Variants in RABGAP1L observed in about 807,000 individuals in gnomAD.
The protein encoded by RABGAP1L is rab GTPase-activating protein 1-like.
A neutral mutation model predicts 137.7 loss-of-function variants in RABGAP1L; 63 were observed. That is an observed-to-expected ratio of 0.46 (90% confidence interval 0.37 to 0.56). RABGAP1L has a LOEUF of 0.56. RABGAP1L is among the 20% of genes least tolerant of loss of function. The pLI, the probability that RABGAP1L is intolerant of heterozygous loss-of-function variation, is 0.00. For missense variants in RABGAP1L, 1,095 were observed against 1,244.0 expected (o/e 0.88, Z 1.80); for synonymous variants, 431 against 433.7 (o/e 0.99, Z 0.08).
At chr1:174,214,266 C>T (rs921104775) in intron 1 of RABGAP1L, among the ~76,000 whole-genome samples, 6 of 151,842 alleles carry the variant, frequency 4.0e-5, no homozygotes, top group Non-Finnish European at 8.8e-5. Context: ...GATAAAATAC[C>T]TAGGAATAAA....
At position 174,993,643 on chromosome 1, in the gene RABGAP1L, C is replaced by T. The variant is rs1338493919; in HGVS notation, c.*3642C>T. On this transcript the variant is annotated 3_prime_UTR_variant, in exon 26 of 26. Transcript: ENST00000681986. ...TAAGTCTTCATACTTTCACTAAAAT[C>T]TGTCTACTAACTCTCCCACCAACCT... The T allele has an allele frequency of 6.6e-6, 1 of 152,224 alleles. No individual in the cohort carries two copies. The highest frequency in any genetic ancestry group is 1.5e-5 in the Non-Finnish European group (1 of 68,040). The allele number at this position is 152,224 out of a possible 1,614,324, so 9.4% of individuals were successfully genotyped here. A position where few individuals can be genotyped will look rare whatever the true frequency, so the allele number is the denominator to read the frequency against.
chr1:174,650,755 A>G lies in RABGAP1L; in HGVS notation c.1824+13267A>G, dbSNP rs1675410026. Reference sequence around the variant, plus strand: ...TCTTTATTAGTCTTGCTAGCGGTCTATCAATTTTGTTGATCCTTTCAAAAA... The same window carrying G: ...TCTTTATTAGTCTTGCTAGCGGTCTGTCAATTTTGTTGATCCTTTCAAAAA... On this transcript the variant is annotated intron_variant, in intron 14 of 25. Coordinates refer to ENST00000681986, the MANE Select transcript of RABGAP1L (RefSeq NM_001366446.1). Among the ~76,000 whole-genome samples, 6 of 149,526 alleles carry G rather than the reference A, an allele frequency of 4.0e-5. No homozygotes were observed. The South Asian group carries it at 6.4e-4, about 16-fold the overall frequency.
In RABGAP1L at chr1:174,361,018, A is replaced by G. The variant is rs566536599; in HGVS notation, c.1466-9961A>G. ...AAAAAATACAAAAAATTAGCTGGGC[A>G]TGGTGGTGAGTGCTTGTAGTCCCAG... On this transcript the variant is annotated intron_variant, in intron 11 of 25. Transcript: ENST00000681986. Among the ~76,000 whole-genome samples the G allele has an allele frequency of 7.2e-5, 11 of 152,210 alleles. 1 individual carries two copies. In the South Asian group the frequency reaches 2.3e-3, roughly 32 times the overall value.
At position 174,978,984 on chromosome 1, in the gene RABGAP1L, G is replaced by T. The variant is rs535110450; in HGVS notation, c.2733+94G>T. On this transcript the variant is annotated intron_variant, in intron 23 of 25. Transcript: ENST00000681986. ...GCTTGAGGCCAGGAGTTTGAGACTA[G>T]CCTGAGCAACATAGCAGGACCCCAT... 5 of 1,364,324 alleles carry T rather than the reference G, an allele frequency of 3.7e-6. No individual in the cohort carries two copies. The South Asian group carries it at 9.4e-5, about 26-fold the overall frequency. The allele number at this position is 1,364,324 out of a possible 1,614,324, so 84.5% of individuals were successfully genotyped here. A position where few individuals can be genotyped will look rare whatever the true frequency, so the allele number is the denominator to read the frequency against.
chr1:174,916,185 C>A (rs1660854797), intron 19 of RABGAP1L, among the ~76,000 whole-genome samples: 1 of 139,362 alleles, frequency 7.2e-6, no homozygotes, highest in Non-Finnish European at 1.5e-5. Context: ...ATTATTCTTT[C>A]CCCTATTGAA....
chr1:174,662,091 G>A (rs1676410656), intron 14 of RABGAP1L, among the ~76,000 whole-genome samples: 1 of 138,852 alleles, frequency 7.2e-6, no homozygotes, highest in Non-Finnish European at 1.5e-5. Context: ...CCAGAAGAAG[G>A]CTTTTCTTTT....
chr1:174,228,626 G>T (rs534543808), intron 3 of RABGAP1L, among the ~76,000 whole-genome samples: 40 of 152,282 alleles, frequency 2.6e-4, no homozygotes, highest in African/African-American at 9.1e-4. Context: ...TTCAGTGGTT[G>T]AAGAACATGG....
intron 20 of RABGAP1L, chr1:174,958,128 G>A (rs1558282453): frequency 3.3e-5 from 50 of 1,496,284 alleles, no homozygotes; most frequent in Non-Finnish European, 4.5e-5. Flanking sequence ...TGTAGAAAAT[G>A]TTAAAAATAC....
chr1:174,249,171 A>G (rs955018346), intron 5 of RABGAP1L, among the ~76,000 whole-genome samples: 9 of 152,186 alleles, frequency 5.9e-5, no homozygotes, highest in African/African-American at 2.2e-4. Context: ...AAAAGTAGTC[A>G]CTAGAGTGGC....
intron 19 of RABGAP1L, chr1:174,892,640 G>T (rs1021242926): frequency 3.7e-6 from 2 of 534,430 alleles, no homozygotes; most frequent in East Asian, 1.1e-4. Context: ...ATTTGATGAG[G>T]CTGCTAAAGC....
intron 18 of RABGAP1L, among the ~76,000 whole-genome samples, chr1:174,809,261 G>C (rs1224076953): frequency 6.6e-6 from 1 of 152,156 alleles, no homozygotes; most frequent in East Asian, 1.9e-4. Flanking sequence ...CAATGTCTAG[G>C]AAAGGACAGC....
intron 13 of RABGAP1L, among the ~76,000 whole-genome samples, chr1:174,607,324 C>T (rs1670862763): frequency 1.3e-5 from 2 of 152,118 alleles, no homozygotes; most frequent in Non-Finnish European, 2.9e-5. Context: ...CTTTTTCCCC[C>T]ATCACTTTGC....
chr1:174,669,544 A>G (rs2148442899), intron 14 of RABGAP1L, among the ~76,000 whole-genome samples: 1 of 152,296 alleles, frequency 6.6e-6, no homozygotes, highest in South Asian at 2.1e-4. Flanking sequence ...AGTCATATCC[A>G]AAAAATCATT....
intron 15 of RABGAP1L, among the ~76,000 whole-genome samples, chr1:174,689,486 T>C (rs1678721214): frequency 6.6e-6 from 1 of 152,160 alleles, no homozygotes; most frequent in East Asian, 1.9e-4. Context: ...GTTCATATTT[T>C]GTCATCAAGA....
chr1:174,776,369 C>A (rs1573136573), intron 18 of RABGAP1L, among the ~76,000 whole-genome samples: 1 of 151,880 alleles, frequency 6.6e-6, no homozygotes, highest in South Asian at 2.1e-4. Context: ...AATGAGACTT[C>A]ATCTCAAAAA....
intron 15 of RABGAP1L, among the ~76,000 whole-genome samples, chr1:174,683,844 T>C (rs1678265808): frequency 6.6e-6 from 1 of 152,184 alleles, no homozygotes; most frequent in African/African-American, 2.4e-5. Context: ...TTAACTAGAA[T>C]CCTCTGGAAT....
At chr1:174,958,120 T>A (rs1434865937) in intron 20 of RABGAP1L, 1 of 1,501,206 alleles carries the variant, frequency 6.7e-7, no homozygotes, top group South Asian at 1.2e-5. Flanking sequence ...CCTCTGTCTG[T>A]AGAAAATGTT....
chr1:174,976,227 G>A, intron 22 of RABGAP1L, 45 bp downstream of exon 22: 3 of 1,423,596 alleles, frequency 2.1e-6, no homozygotes, highest in Non-Finnish European at 2.9e-6. Flanking sequence ...AGGTATGTTG[G>A]TAGGGAATTA....
At chr1:174,179,031 A>G (rs1003916666) in intron 1 of RABGAP1L, among the ~76,000 whole-genome samples, 4 of 152,180 alleles carry the variant, frequency 2.6e-5, no homozygotes, top group Non-Finnish European at 5.9e-5. Context: ...AAACAATCCC[A>G]GAAAAGTCTT....
Sources: gnomAD v4.1 joint callset for allele counts (sites outside exome capture counted in the v4.1 genomes callset) on GRCh38, gnomAD v4.1.1 for gene constraint, MANE v1.5 for transcripts, NCBI Gene and HGNC (gene_info 2026-07-23, HGNC 2026-07-21) for gene names.